The following PTPRN2 variants were observed in gnomAD, a reference collection of about 807,000 sequenced individuals.
PTPRN2 encodes the protein protein tyrosine phosphatase receptor type N2.
Under a neutral mutation model 118.8 loss-of-function variants are expected in PTPRN2, and 74 were observed. That is an observed-to-expected ratio of 0.62 (90% CI 0.52 to 0.76). The LOEUF (loss-of-function observed/expected upper bound fraction) is 0.76, where lower values mean the gene tolerates loss of function less well. PTPRN2 is among the 30% of genes least tolerant of loss of function. The probability of loss-of-function intolerance (pLI) is 0.00; values close to 1 mark genes in which losing one functional copy is unlikely to be tolerated. For missense variants in PTPRN2, 1,481 were observed against 1,394.4 expected, an observed-to-expected ratio of 1.06 and a Z score of -0.99; for synonymous variants, 641 against 608.0, an observed-to-expected ratio of 1.05 and a Z score of -0.80.
At chr7:157,782,026 G>A (rs905654766) in intron 12 of PTPRN2, among the ~76,000 whole-genome samples, 7 of 152,220 alleles carry the variant, frequency 4.6e-5, no homozygotes, top group African/African-American at 1.7e-4. Context: ...TCCCAGGTGC[G>A]GGCACACAGG....
At chr7:158,336,349 C>T (rs1207816077) in intron 2 of PTPRN2, among the ~76,000 whole-genome samples, 1 of 148,896 alleles carries the variant, frequency 6.7e-6, no homozygotes, top group Non-Finnish European at 1.5e-5. Context: ...ACGTCACTCA[C>T]ACCCACACTC....
chr7:157,548,513 G>A (rs969883590), intron 22 of PTPRN2, among the ~76,000 whole-genome samples: 2 of 152,218 alleles, frequency 1.3e-5, no homozygotes, highest in African/African-American at 4.8e-5. Flanking sequence ...GCAAGCATGA[G>A]GGATTTTGGG....
intron 12 of PTPRN2, among the ~76,000 whole-genome samples, chr7:157,722,332 C>T (rs1799285527): frequency 6.6e-6 from 1 of 152,222 alleles, no homozygotes; most frequent in Non-Finnish European, 1.5e-5. Flanking sequence ...GGAGGGGAGG[C>T]CTGACAGAAG....
At chr7:157,835,678 A>G (rs1444954601) in intron 12 of PTPRN2, among the ~76,000 whole-genome samples, 1 of 152,200 alleles carries the variant, frequency 6.6e-6, no homozygotes, top group South Asian at 2.1e-4. Context: ...CGAAGGGTGC[A>G]CTGCAAATGC....
intron 12 of PTPRN2, among the ~76,000 whole-genome samples, chr7:157,858,019 G>T (rs900851530): frequency 4.0e-5 from 6 of 151,720 alleles, no homozygotes; most frequent in Non-Finnish European, 7.4e-5. Context: ...AAGAAACACG[G>T]CCTTTGCTGG....
At chr7:158,507,299 G>A (rs1486113877) in intron 1 of PTPRN2, among the ~76,000 whole-genome samples, 1 of 151,574 alleles carries the variant, frequency 6.6e-6, no homozygotes, top group Non-Finnish European at 1.5e-5. Flanking sequence ...CACACAAGAA[G>A]GTCAGTGAGG....
chr7:158,366,308 C>T (rs1350501787), intron 2 of PTPRN2, among the ~76,000 whole-genome samples: 2 of 146,332 alleles, frequency 1.4e-5, no homozygotes, highest in African/African-American at 2.6e-5. Context: ...GCCCAATGCA[C>T]GTGTGCAAAT....
intron 3 of PTPRN2, among the ~76,000 whole-genome samples, chr7:158,245,047 C>T (rs1254783454): frequency 6.6e-6 from 1 of 152,100 alleles, no homozygotes; most frequent in Non-Finnish European, 1.5e-5. Flanking sequence ...CGTGAGGCGG[C>T]GGTGGGCATG....
chr7:157,940,185 T>C (rs1482789402), intron 11 of PTPRN2, among the ~76,000 whole-genome samples: 1 of 152,174 alleles, frequency 6.6e-6, no homozygotes, highest in East Asian at 1.9e-4. Flanking sequence ...TAGTGGTCTG[T>C]CAGCGATGGT....
intron 2 of PTPRN2, among the ~76,000 whole-genome samples, chr7:158,403,613 C>T (rs572143149): frequency 1.3e-5 from 2 of 152,322 alleles, no homozygotes; most frequent in Admixed American, 6.5e-5. Context: ...CTTCTGTTCA[C>T]GCTGCCTGTC....
chr7:157,957,944 A>G (rs1801286591), intron 11 of PTPRN2, among the ~76,000 whole-genome samples: 1 of 152,184 alleles, frequency 6.6e-6, no homozygotes, highest in Non-Finnish European at 1.5e-5. Flanking sequence ...AGCAAACAAA[A>G]CTAAGAACCA....
intron 11 of PTPRN2, among the ~76,000 whole-genome samples, chr7:157,933,649 G>T (rs1799525286): frequency 6.8e-6 from 1 of 147,788 alleles, no homozygotes; most frequent in East Asian, 2.0e-4. Flanking sequence ...TTTTAGAGGA[G>T]GGGTGAGTCA....
At chr7:158,312,722 TACCCAC>T (rs1801945465) in intron 3 of PTPRN2, among the ~76,000 whole-genome samples, 2 of 21,554 alleles carry the variant, frequency 9.3e-5, no homozygotes, top group Admixed American at 4.2e-4. Flanking sequence ...CACATATAGA[TACCCAC>T]ACACACACAC....
At chr7:158,400,146 G>A (rs1812824623) in intron 2 of PTPRN2, among the ~76,000 whole-genome samples, 1 of 152,164 alleles carries the variant, frequency 6.6e-6, no homozygotes, top group African/African-American at 2.4e-5. Flanking sequence ...GTCTTTAGAG[G>A]TTTTAATGAG....
chr7:157,656,542 G>A lies in PTPRN2; in HGVS notation c.2011C>T (p.Arg671Cys), dbSNP rs942777322. 22 of 1,540,688 alleles carry A rather than the reference G, an allele frequency of 1.4e-5. No homozygotes were observed. Among genetic ancestry groups the A allele is most frequent in the Admixed American group, 3.9e-5 (2 of 51,944 alleles). ...GGTGGCCGCGTGGCCATACGCTGGC[G>A]GCACAGCTCCTGCAGGACAGGGGGA... ...DATAAYQELC[R>C]QRMATRPPDR... Residue 671 changes from arginine (R) to cysteine (C), a missense_variant, in exon 14 of 23, where the codon CGC becomes TGC. By Grantham distance (180) the Arg-to-Cys change is radical. Coordinates refer to ENST00000389418, the MANE Select transcript of PTPRN2 (RefSeq NM_002847.5).
intron 2 of PTPRN2, among the ~76,000 whole-genome samples, chr7:158,478,539 G>A (rs1820430955): frequency 6.6e-6 from 1 of 152,116 alleles, no homozygotes; most frequent in Non-Finnish European, 1.5e-5. Flanking sequence ...AAAGTGGAGT[G>A]GGAATAACGC....
intron 14 of PTPRN2, among the ~76,000 whole-genome samples, chr7:157,630,212 C>A (rs1213944469): frequency 1.3e-5 from 2 of 152,138 alleles, no homozygotes; most frequent in Non-Finnish European, 2.9e-5. Context: ...CTGTAGATTG[C>A]TGCATCTGGC....
intron 13 of PTPRN2, among the ~76,000 whole-genome samples, chr7:157,680,696 G>A (rs1290627218): frequency 6.6e-6 from 1 of 152,136 alleles, no homozygotes; most frequent in Non-Finnish European, 1.5e-5. Context: ...TTTAATCAAA[G>A]TACTTCCCTA....
intron 11 of PTPRN2, among the ~76,000 whole-genome samples, chr7:157,928,197 C>A (rs1799138036): frequency 6.6e-6 from 1 of 152,206 alleles, no homozygotes; most frequent in African/African-American, 2.4e-5. Context: ...AAAACCAGGG[C>A]AGGGCCATAG....
Sources: gnomAD v4.1 joint callset for allele counts (sites outside exome capture counted in the v4.1 genomes callset) on GRCh38, gnomAD v4.1.1 for gene constraint, MANE v1.5 for transcripts, NCBI Gene and HGNC (gene_info 2026-07-23, HGNC 2026-07-21) for gene names.